Variants in ARMC5 observed in about 807,000 individuals in gnomAD.
ARMC5 encodes the protein armadillo repeat containing 5.
A neutral mutation model predicts 60.5 loss-of-function variants in ARMC5; 28 were observed. That is an observed-to-expected ratio of 0.46 (90% CI 0.34 to 0.63). The LOEUF (loss-of-function observed/expected upper bound fraction) is 0.63. Among genes scored for constraint, ARMC5 ranks in the 30% least tolerant of loss-of-function variants. The pLI is 0.01. For synonymous variants in ARMC5, 680 were observed against 607.3 expected (o/e 1.12, Z -1.76); for missense variants, 1,189 against 1,304.9 (o/e 0.91, Z 1.37).
chr16:31,458,694 G>T, upstream of ARMC5: 1 of 1,455,684 alleles, frequency 6.9e-7, no homozygotes, highest in Non-Finnish European at 9.0e-7. Flanking sequence ...ACACCAGGAA[G>T]GGCTGCTCAG....
rs761353040 is a variant in ARMC5 at position 31,459,941 on chromosome 16, C to T, written c.417C>T (p.Cys139=). ...TGGCGCTCAGCATCCTAGCCGATTG[C>T]TGTACGGAAGGGGCGTGCCGGACCG... ...LDLALSILAD[C]CTEGACRTEV... The change falls in exon 1 of 6, where the codon TGC becomes TGT. Residue 139 remains cysteine, a synonymous_variant. Transcript: ENST00000268314. 5 of 1,604,504 alleles carry T rather than the reference C, an allele frequency of 3.1e-6. No homozygotes were observed. The highest frequency in any genetic ancestry group is 4.2e-6 in the Non-Finnish European group (5 of 1,179,592).
Position 31,459,659 on chromosome 16 carries a change from A to T in ARMC5, c.135A>T (p.Leu45=). ...AGACACCCCTGAGCCGCGCGCTCCT[A>T]GCCCTCCGCACGCGCCACATCAAGG... is the stretch of plus-strand genomic sequence containing the variant. ...TNETPLSRAL[L]ALRTRHIKAA... Residue 45 remains leucine, a synonymous_variant, in exon 1 of 6, where the codon CTA becomes CTT. Coordinates refer to ENST00000268314, the MANE Select transcript of ARMC5 (RefSeq NM_001105247.2). 1 of 1,584,342 alleles carries T rather than the reference A, an allele frequency of 6.3e-7. No individual in the cohort carries two copies. The highest frequency in any genetic ancestry group is 8.5e-7 in the Non-Finnish European group (1 of 1,173,298).
chr16:31,466,702 G>T lies in ARMC5; in HGVS notation c.2621G>T (p.Arg874Leu), dbSNP rs1425139338. The T allele has an allele frequency of 1.3e-6, 2 of 1,560,776 alleles. No homozygotes were observed. Among genetic ancestry groups the T allele is most frequent in the Admixed American group, 1.9e-5 (1 of 51,442 alleles). ...GGPESVGEVF[R>L]LGRPRLAAHC... is the part of the protein sequence containing the mutation. ...CCGGAGTCAGTGGGTGAGGTGTTCC[G>T]CCTGGGCCGGCCCCGGCTGGCTGCC... Residue 874 changes from arginine to leucine, a missense_variant, in exon 6 of 6, where the codon CGC becomes CTC. Arg to Leu is a moderately radical substitution (Grantham distance 102). Coordinates refer to ENST00000268314, the MANE Select transcript of ARMC5 (RefSeq NM_001105247.2). This position sits in a 1 kb window ranked among gnomAD's most constrained non-coding sequence, Gnocchi z 8.0.
At position 31,467,024 on chromosome 16, in the gene ARMC5, A is replaced by G. The variant is rs2082367607; in HGVS notation, c.*135A>G. The G allele has an allele frequency of 1.7e-6, 2 of 1,179,124 alleles. No homozygotes were observed. The highest frequency in any genetic ancestry group is 1.6e-5 in the African/African-American group (1 of 63,342). 73.0% of individuals were successfully genotyped at this position (1,179,124 alleles called of 1,614,324 possible). A position where few individuals can be genotyped will look rare whatever the true frequency, so the allele number is the denominator to read the frequency against. Reference sequence around the variant, plus strand: ...GGTGAGAACATGGAACCGGACTCCAAGATGACGATCTAAAGACCCGGGAGC... The same window carrying G: ...GGTGAGAACATGGAACCGGACTCCAGGATGACGATCTAAAGACCCGGGAGC... On this transcript the variant is annotated 3_prime_UTR_variant, in exon 6 of 6. Transcript: ENST00000268314.
At position 31,465,985 on chromosome 16, in the gene ARMC5, G is replaced by A; in HGVS notation, c.1997+3G>A. On this transcript the variant is annotated splice_donor_region_variant and intron_variant, in intron 5 of 5. Transcript: ENST00000268314. ...CTGACCCTGCCCTTCATCTGCCGGT[G>A]AGTGGGAAGTGGGTGCCTTGCGGGG... 2 of 1,601,870 alleles carry A rather than the reference G, an allele frequency of 1.2e-6. No homozygotes were observed. The highest frequency in any genetic ancestry group is 1.7e-6 in the Non-Finnish European group (2 of 1,178,580).
chr16:31,465,806 G>A, intron 4 of ARMC5, 44 bp from the exon 5 acceptor site: 17 of 1,603,606 alleles, frequency 1.1e-5, no homozygotes, highest in Non-Finnish European at 1.4e-5. Flanking sequence ...CACCCCACCT[G>A]TCTTAGACCC....
chr16:31,464,492 G>T lies in ARMC5; in HGVS notation c.1469G>T (p.Ser490Ile), dbSNP rs1455922336. The change falls in exon 4 of 6, where the codon AGC becomes ATC. Residue 490 changes from serine (S) to isoleucine (I), a missense_variant. By Grantham distance (142) the Ser-to-Ile change is moderately radical (BLOSUM62 -2). Around this residue, in one of 2 missense-constraint regions of ARMC5, gnomAD observed 862 missense variants for 1,071.2 expected, o/e 0.80. Coordinates refer to ENST00000268314, the MANE Select transcript of ARMC5 (RefSeq NM_001105247.2). The surrounding 1 kb of genome is among the most constrained non-coding windows in gnomAD (Gnocchi z 7.6). ...QCPPEPMEPA[S>I]PAPTPTSLRA... is the part of the protein sequence containing the mutation. ...CCGCCGGAGCCCATGGAGCCGGCCA[G>T]CCCCGCCCCGACCCCGACCTCGCTG... 3 of 1,606,916 alleles carry T rather than the reference G, an allele frequency of 1.9e-6. No homozygotes were observed. Among genetic ancestry groups the T allele is most frequent in the Non-Finnish European group, 1.7e-6 (2 of 1,177,274 alleles).
Position 31,462,116 on chromosome 16 carries a change from C to T in ARMC5, c.584-15C>T. On this transcript the variant is annotated splice_polypyrimidine_tract_variant and intron_variant, in intron 2 of 5. Coordinates refer to ENST00000268314, the MANE Select transcript of ARMC5 (RefSeq NM_001105247.2). This position sits in a 1 kb window ranked among gnomAD's most constrained non-coding sequence, Gnocchi z 7.2. ...GTCCTTGTTCACCCTCTGTGCTCCC[C>T]TTTCCTGCCCTCAGGTGCTGTTCCC... 2 of 1,612,040 alleles carry T rather than the reference C, an allele frequency of 1.2e-6. No individual in the cohort carries two copies. Among genetic ancestry groups the T allele is most frequent in the Non-Finnish European group, 1.7e-6 (2 of 1,178,720 alleles).
chr16:31,460,061 C>G, intron 1 of ARMC5, 62 bp downstream of exon 1: 1 of 1,540,190 alleles, frequency 6.5e-7, no homozygotes, highest in African/African-American at 1.4e-5. Context: ...CTCTCTAGAC[C>G]CGGGCAGTCT....
upstream of ARMC5, chr16:31,459,378 G>T (rs1242698276): frequency 2.0e-6 from 3 of 1,536,656 alleles, no homozygotes; most frequent in South Asian, 3.6e-5. Flanking sequence ...AGACTTCCGG[G>T]GTCGAGAACT....
Position 31,459,913 on chromosome 16 carries a change from A to C in ARMC5, c.389A>C (p.Asp130Ala), listed in dbSNP as rs1342280056. Reference sequence around the variant, plus strand: ...CCAGTGCGCCTGCGCAAGACGCTGGACTTGGCGCTCAGCATCCTAGCCGAT... The same window carrying C: ...CCAGTGCGCCTGCGCAAGACGCTGGCCTTGGCGCTCAGCATCCTAGCCGAT... ...TPPVRLRKTLDLALSILADCC... is the reference protein window; with the variant it reads ...TPPVRLRKTLALALSILADCC... Residue 130 changes from aspartate (D) to alanine (A), a missense_variant, in exon 1 of 6, where the codon GAC becomes GCC. Transcript: ENST00000268314. 3.1e-6 allele frequency: 5 copies of C among 1,606,234 alleles called. No individual in the cohort carries two copies. The highest frequency in any genetic ancestry group is 4.5e-5 in the East Asian group (2 of 44,842).
chr16:31,459,500 G>A (rs748516589), upstream of ARMC5: 5 of 1,589,098 alleles, frequency 3.1e-6, no homozygotes, highest in South Asian at 1.1e-5. Flanking sequence ...CGAGAAGCGG[G>A]GCGGAGTCTG....
At position 31,464,331 on chromosome 16, in the gene ARMC5, C is replaced by G. The variant is rs1464377691; in HGVS notation, c.1371-63C>G. Reference sequence around the variant, plus strand: ...AAAAAAAAAAAGACGCCTCACGCCTCTTGGACTCTGCCCCTTAACCTTGGC... The same window carrying G: ...AAAAAAAAAAAGACGCCTCACGCCTGTTGGACTCTGCCCCTTAACCTTGGC... On this transcript the variant is annotated intron_variant, in intron 3 of 5. Coordinates refer to ENST00000268314, the MANE Select transcript of ARMC5 (RefSeq NM_001105247.2). The surrounding 1 kb of genome is among the most constrained non-coding windows in gnomAD (Gnocchi z 7.6). 1.0e-5 allele frequency: 9 copies of G among 870,110 alleles called. No homozygotes were observed. Among genetic ancestry groups the G allele is most frequent in the Non-Finnish European group, 1.2e-5 (7 of 587,272 alleles). The allele number at this position is 870,110 out of a possible 1,614,324, so 53.9% of individuals were successfully genotyped here.
rs759992443 is a variant in ARMC5, at chr16:31,459,953, G to C, written c.429G>C (p.Gly143=). 3 of 1,603,132 alleles carry C rather than the reference G, an allele frequency of 1.9e-6. No homozygotes were observed. The highest frequency in any genetic ancestry group is 2.5e-6 in the Non-Finnish European group (3 of 1,179,524). Residue 143 remains glycine (G), a synonymous_variant, in exon 1 of 6, where the codon GGG becomes GGC. Coordinates refer to ENST00000268314, the MANE Select transcript of ARMC5 (RefSeq NM_001105247.2). ...LSILADCCTE[G]ACRTEVRRLG... ...TCCTAGCCGATTGCTGTACGGAAGG[G>C]GCGTGCCGGACCGAAGTGCGCAGAC... is the stretch of plus-strand genomic sequence containing the variant.
Position 31,459,647 on chromosome 16 carries a change from C to T in ARMC5, c.123C>T (p.Ser41=), listed in dbSNP as rs990750313. 7 of 1,591,992 alleles carry T rather than the reference C, an allele frequency of 4.4e-6. No individual in the cohort carries two copies. The African/African-American group carries it at 9.4e-5, about 21-fold the overall frequency. The change falls in exon 1 of 6, where the codon AGC becomes AGT. Residue 41 remains serine (S), a synonymous_variant. Coordinates refer to ENST00000268314, the MANE Select transcript of ARMC5 (RefSeq NM_001105247.2). The part of the protein sequence containing the change: ...KDPATNETPL[S]RALLALRTRH... Reference sequence around the variant, plus strand: ...CAGCGACCAACGAGACACCCCTGAGCCGCGCGCTCCTAGCCCTCCGCACGC... The same window carrying T: ...CAGCGACCAACGAGACACCCCTGAGTCGCGCGCTCCTAGCCCTCCGCACGC...
Position 31,462,462 on chromosome 16 carries a change from C to T in ARMC5, c.915C>T (p.Leu305=), listed in dbSNP as rs781294890. 76 of 1,612,438 alleles carry T rather than the reference C, an allele frequency of 4.7e-5. No homozygotes were observed. Among genetic ancestry groups the T allele is most frequent in the African/African-American group, 2.1e-4 (16 of 74,928 alleles). ...RAVREGTILI[L]ANLCAQGLIR... ...TACGCGAGGGAACCATTCTGATCCT[C>T]GCCAACCTGTGTGCCCAGGGCCTGA... The change falls in exon 3 of 6, where the codon CTC becomes CTT. Residue 305 remains leucine (L), a synonymous_variant. Coordinates refer to ENST00000268314, the MANE Select transcript of ARMC5 (RefSeq NM_001105247.2). This position sits in a 1 kb window ranked among gnomAD's most constrained non-coding sequence, Gnocchi z 7.2.
At position 31,459,694 on chromosome 16, in the gene ARMC5, G is replaced by C; in HGVS notation, c.170G>C (p.Gly57Ala). 1.9e-6 allele frequency: 3 copies of C among 1,569,294 alleles called. No individual in the cohort carries two copies. The highest frequency in any genetic ancestry group is 4.6e-5 in the East Asian group (2 of 43,062). The change falls in exon 1 of 6, where the codon GGA (glycine) becomes GCA (alanine). Residue 57 changes from glycine (G) to alanine (A), a missense_variant. This residue lies in a region of ARMC5 where 327 missense variants were observed against 233.7 expected (regional missense o/e 1.40). Transcript: ENST00000268314. The part of the protein sequence containing the change: ...LRTRHIKAAG[G>A]IERFRARGGL... ...ACGCGCCACATCAAGGCAGCGGGGG[G>C]AATCGAGCGCTTCCGGGCACGCGGC...
Position 31,466,757 on chromosome 16 carries a change from G to A in ARMC5, c.2676G>A (p.Glu892=). The A allele has an allele frequency of 6.4e-7, 1 of 1,571,830 alleles. No homozygotes were observed. Among genetic ancestry groups the A allele is most frequent in the Non-Finnish European group, 8.6e-7 (1 of 1,159,974 alleles). ...GTGCCCGCTGGACACTGGGGTCAGA[G>A]CAGTGCCCGAGGAAGCGGGGTCTGG... ...AHCARWTLGS[E]QCPRKRGLAL... The change falls in exon 6 of 6, where the codon GAG becomes GAA. Residue 892 remains glutamate, a synonymous_variant. Transcript: ENST00000268314. This position sits in a 1 kb window ranked among gnomAD's most constrained non-coding sequence, Gnocchi z 8.0.
rs371292365 is a variant in ARMC5 at position 31,462,696 on chromosome 16, A to G, written c.1149A>G (p.Ala383=). The change falls in exon 3 of 6, where the codon GCA becomes GCG. Residue 383 remains alanine, a synonymous_variant. Coordinates refer to ENST00000268314, the MANE Select transcript of ARMC5 (RefSeq NM_001105247.2). The surrounding 1 kb of genome is among the most constrained non-coding windows in gnomAD (Gnocchi z 7.2). Reference sequence around the variant, plus strand: ...TGGGCCTGCTGCGGGACCCTCGTGCAAGCGCATGGCACCCTCGTATTGTGG... The same window carrying G: ...TGGGCCTGCTGCGGGACCCTCGTGCGAGCGCATGGCACCCTCGTATTGTGG... The part of the protein sequence containing the change: ...LLMGLLRDPR[A]SAWHPRIVAA... The G allele has an allele frequency of 1.3e-5, 21 of 1,613,666 alleles. No homozygotes were observed. The highest frequency in any genetic ancestry group is 1.7e-5 in the Non-Finnish European group (20 of 1,180,028).
Sources: gnomAD v4.1 joint callset for allele counts on GRCh38, gnomAD v4.1.1 for gene constraint, gnomAD v4.1.1 regional missense constraint, Gnocchi (gnomAD v3.1) non-coding constraint, MANE v1.5 for transcripts, NCBI Gene and HGNC (gene_info 2026-07-23, HGNC 2026-07-21) for gene names.